MCCC2: variants seen among roughly 807,000 people sequenced by gnomAD.
The protein encoded by MCCC2 is methylcrotonoyl-CoA carboxylase beta chain, mitochondrial.
A neutral mutation model predicts 77.2 loss-of-function variants in MCCC2; 52 were observed. The observed-to-expected ratio is 0.67, with a 90% CI of 0.54 to 0.85. MCCC2 has a LOEUF of 0.85. MCCC2 is among the 40% of genes least tolerant of loss of function. The pLI is 0.00. For synonymous variants in MCCC2, 253 were observed against 248.4 expected (o/e 1.02, Z -0.18); for missense variants, 682 against 703.2 (o/e 0.97, Z 0.34).
chr5:71,635,212 G>A lies in MCCC2; in HGVS notation c.965G>A (p.Gly322Asp), dbSNP rs746549438. 1.2e-6 allele frequency: 2 copies of A among 1,614,110 alleles called. No homozygotes were observed. The highest frequency in any genetic ancestry group is 1.6e-4 in the Middle Eastern group (1 of 6,062). The change falls in exon 10 of 17, where the codon GGT becomes GAT. Residue 322 changes from glycine to aspartate, a missense_variant. Gly to Asp is a moderately conservative substitution (Grantham distance 94, BLOSUM62 -1). Coordinates refer to ENST00000340941, the MANE Select transcript of MCCC2 (RefSeq NM_022132.5). ...GCTGATGAATTGTATGGAATAGTTG[G>A]TGCTAACCTTAAGAGGAGCTTTGAT... ...FPADELYGIV[G>D]ANLKRSFDVR... is the part of the protein sequence containing the mutation.
At chr5:71,609,930 G>A (rs1213763148) in intron 6 of MCCC2, among the ~76,000 whole-genome samples, 1 of 152,170 alleles carries the variant, frequency 6.6e-6, no homozygotes, top group Middle Eastern at 3.4e-3. Context: ...CCCGTTCTCA[G>A]ATCTCCAGCT....
chr5:71,613,982 A>G (rs1746062726), intron 6 of MCCC2, among the ~76,000 whole-genome samples: 2 of 151,000 alleles, frequency 1.3e-5, no homozygotes, highest in East Asian at 3.9e-4. Flanking sequence ...CATATTATAT[A>G]GTTCATATTA....
chr5:71,632,226 A>G, intron 8 of MCCC2, 41 bp downstream of exon 8: 1 of 1,595,950 alleles, frequency 6.3e-7, no homozygotes, highest in South Asian at 1.1e-5. Flanking sequence ...ATTGAGTGTC[A>G]TTTTGTTTGT....
At chr5:71,615,058 C>T (rs185726113) in intron 6 of MCCC2, among the ~76,000 whole-genome samples, 4 of 152,218 alleles carry the variant, frequency 2.6e-5, no homozygotes, top group African/African-American at 9.6e-5. Flanking sequence ...CCTCCACCTC[C>T]TGGGTTCAAG....
At chr5:71,592,428 C>G (rs910107013) in intron 1 of MCCC2, among the ~76,000 whole-genome samples, 1 of 152,004 alleles carries the variant, frequency 6.6e-6, no homozygotes, top group African/African-American at 2.4e-5. Context: ...TCCTTTTTCT[C>G]CCTCTGGGAT....
At chr5:71,645,476 T>C (rs1200609591) in intron 12 of MCCC2, among the ~76,000 whole-genome samples, 3 of 152,204 alleles carry the variant, frequency 2.0e-5, no homozygotes, top group Non-Finnish European at 4.4e-5. Flanking sequence ...TTTCTATCAC[T>C]CATCTAATCT....
chr5:71,641,084 G>C lies in MCCC2; in HGVS notation c.1072+9G>C. ...AGACACATTAGTTACAGGTATAAAG[G>C]TGAAGAATTGAAAATACGAACATTT... is the stretch of plus-strand genomic sequence containing the variant. On this transcript the variant is annotated intron_variant, in intron 11 of 16. Transcript: ENST00000340941. 1 of 1,611,150 alleles carries C rather than the reference G, an allele frequency of 6.2e-7. No individual in the cohort carries two copies.
Position 71,641,028 on chromosome 5 carries a change from G to C in MCCC2, c.1025G>C (p.Ser342Thr). The change falls in exon 11 of 17, where the codon AGC becomes ACC. Residue 342 changes from serine to threonine, a missense_variant. Transcript: ENST00000340941. ...REVIARIVDG[S>T]RFTEFKAFYG... ...GTCATTGCTAGAATCGTGGATGGAA[G>C]CAGATTCACTGAGTTCAAAGCCTTT... The C allele has an allele frequency of 6.2e-7, 1 of 1,614,052 alleles. No homozygotes were observed. The highest frequency in any genetic ancestry group is 8.5e-7 in the Non-Finnish European group (1 of 1,179,938).
intron 16 of MCCC2, among the ~76,000 whole-genome samples, chr5:71,656,222 A>T (rs149890977): frequency 2.6e-5 from 4 of 152,140 alleles, no homozygotes; most frequent in South Asian, 2.1e-4. Flanking sequence ...TCCATCTCAA[A>T]AATAATAATA....
chr5:71,593,109 A>C, intron 2 of MCCC2, 117 bp downstream of exon 2: 1 of 843,356 alleles, frequency 1.2e-6, no homozygotes, highest in Non-Finnish European at 1.9e-6. Flanking sequence ...TTTTTTTGAG[A>C]TGGAGTCTTG....
At chr5:71,602,422 T>C (rs2112319467) in intron 4 of MCCC2, 84 bp from the exon 5 acceptor site, 5 of 1,553,876 alleles carry the variant, frequency 3.2e-6, no homozygotes, top group Non-Finnish European at 3.6e-6. Flanking sequence ...AGTTGAAGGT[T>C]GTATTGGGGT....
At chr5:71,606,165 C>T (rs1284182029) in intron 6 of MCCC2, among the ~76,000 whole-genome samples, 1 of 151,410 alleles carries the variant, frequency 6.6e-6, no homozygotes, top group Non-Finnish European at 1.5e-5. Flanking sequence ...TTACCTTGGG[C>T]AGTATGGCCA....
At chr5:71,615,387 G>A (rs1472653927) in intron 6 of MCCC2, among the ~76,000 whole-genome samples, 1 of 152,064 alleles carries the variant, frequency 6.6e-6, no homozygotes, top group Non-Finnish European at 1.5e-5. Flanking sequence ...CAGCCTCTTG[G>A]TATCATCATT....
At chr5:71,611,393 C>A (rs753433890) in intron 6 of MCCC2, among the ~76,000 whole-genome samples, 71 of 152,150 alleles carry the variant, frequency 4.7e-4, no homozygotes, top group Non-Finnish European at 8.5e-4. Context: ...CAGAATGAGA[C>A]CCTGTCTCAC....
At chr5:71,633,132 T>TATATATATATA (rs1561841495) in intron 8 of MCCC2, among the ~76,000 whole-genome samples, 5 of 89,624 alleles carry the variant, frequency 5.6e-5, no homozygotes, top group African/African-American at 1.7e-4. Flanking sequence ...TATATATATA[T>TATATATATATA]TTTTATTTTT....
chr5:71,613,211 T>G (rs539785099), intron 6 of MCCC2, among the ~76,000 whole-genome samples: 1 of 152,238 alleles, frequency 6.6e-6, no homozygotes, highest in Non-Finnish European at 1.5e-5. Context: ...ATTCTGGTGA[T>G]TAGGATATGG....
rs1561841431 is a variant in MCCC2, at chr5:71,633,126, TATA to T, written c.803+942_803+944del. 1.4e-3 allele frequency among the ~76,000 whole-genome samples: 121 copies of T among 84,088 alleles called. 5 individuals carry two copies. Among genetic ancestry groups the T allele is most frequent in the African/African-American group, 4.3e-3 (102 of 23,478 alleles). The allele number at this position is 84,088 out of a possible 152,430, so 55.2% of individuals were successfully genotyped here. On this transcript the variant is annotated intron_variant, in intron 8 of 16. Transcript: ENST00000340941. ...ATATATATATATATATATATATATATATATATTTTTATTTTTTGTAGAAACAGG... is the reference window on the plus strand; with the variant it reads ...ATATATATATATATATATATATATATTATTTTTATTTTTTGTAGAAACAGG...
chr5:71,610,362 C>T (rs1000144748), intron 6 of MCCC2, among the ~76,000 whole-genome samples: 9 of 152,264 alleles, frequency 5.9e-5, no homozygotes, highest in South Asian at 4.1e-4. Flanking sequence ...TTCTTTGACT[C>T]GGAAAGGGAA....
intron 8 of MCCC2, among the ~76,000 whole-genome samples, chr5:71,633,799 CT>C (rs1177597044): frequency 4.6e-5 from 7 of 152,154 alleles, no homozygotes; most frequent in African/African-American, 1.4e-4. Context: ...TTCTATTTGA[CT>C]TCTGACAGTG....
Sources: gnomAD v4.1 joint callset for allele counts (sites outside exome capture counted in the v4.1 genomes callset) on GRCh38, gnomAD v4.1.1 for gene constraint, MANE v1.5 for transcripts, NCBI Gene and HGNC (gene_info 2026-07-23, HGNC 2026-07-21) for gene names.